Variants in GPR39 observed in about 807,000 individuals in gnomAD.
GPR39 encodes zinc sensing receptor.
In GPR39, 23 loss-of-function variants were observed where a neutral mutation model predicts 18.4. The ratio of observed to expected loss-of-function variants is 1.25; its 90% CI spans 0.90 to 1.77. The LOEUF (loss-of-function observed/expected upper bound fraction) is 1.77, where lower values mean the gene tolerates loss of function less well. Ranked by LOEUF, GPR39 falls within the 40% of genes most tolerant of loss-of-function variation. The pLI, the probability that GPR39 is intolerant of heterozygous loss-of-function variation, is 0.00. For synonymous variants in GPR39, 280 were observed against 257.9 expected, an observed-to-expected ratio of 1.09 and a Z score of -0.82; for missense variants, 647 against 602.4, an observed-to-expected ratio of 1.07 and a Z score of -0.78.
intron 1 of GPR39, among the ~76,000 whole-genome samples, chr2:132,489,339 G>T (rs1573626989): frequency 6.6e-6 from 1 of 152,104 alleles, no homozygotes; most frequent in East Asian, 1.9e-4. Context: ...CAGCACCGAG[G>T]GCAGGGACGA....
At position 132,595,046 on chromosome 2, in the gene GPR39, T is replaced by C. The variant is rs192108778; in HGVS notation, c.857-50055T>C. Among the ~76,000 whole-genome samples the C allele has an allele frequency of 2.6e-4, 40 of 152,344 alleles. 1 individual carries two copies. Among genetic ancestry groups the C allele is most frequent in the African/African-American group, 9.1e-4 (38 of 41,574 alleles). On this transcript the variant is annotated intron_variant, in intron 1 of 1. Transcript: ENST00000329321. ...AGAGTTTCACTCTTATTGCTCAGGC[T>C]GGAGTGCAATGGTGCAATTTTGGCT...
chr2:132,545,960 C>G (rs1183095347), intron 1 of GPR39, among the ~76,000 whole-genome samples: 2 of 152,110 alleles, frequency 1.3e-5, no homozygotes, highest in East Asian at 3.9e-4. Context: ...GGCTAGCAGA[C>G]GAAGCGAAGT....
At chr2:132,621,876 C>T (rs1366142986) in intron 1 of GPR39, among the ~76,000 whole-genome samples, 1 of 152,200 alleles carries the variant, frequency 6.6e-6, no homozygotes, top group Non-Finnish European at 1.5e-5. Flanking sequence ...AGTAAGAAGG[C>T]ATCTTCTCTA....
intron 1 of GPR39, among the ~76,000 whole-genome samples, chr2:132,471,839 C>G (rs983207811): frequency 6.6e-6 from 1 of 152,118 alleles, no homozygotes; most frequent in Non-Finnish European, 1.5e-5. Context: ...GGTTAACTTT[C>G]AGTAGATCAG....
At chr2:132,499,774 A>T (rs1678974423) in intron 1 of GPR39, among the ~76,000 whole-genome samples, 1 of 151,894 alleles carries the variant, frequency 6.6e-6, no homozygotes, top group Admixed American at 6.6e-5. Flanking sequence ...CTTGTAGAAG[A>T]CTTTGATGTT....
At chr2:132,613,868 CCAGTGTTTAACA>C (rs1558859127) in intron 1 of GPR39, among the ~76,000 whole-genome samples, 1 of 152,110 alleles carries the variant, frequency 6.6e-6, no homozygotes, top group Non-Finnish European at 1.5e-5. Flanking sequence ...GATTGTATCC[CCAGTGTTTAACA>C]CAGTGTCTAC....
At chr2:132,618,741 ATCC>A (rs1573701391) in intron 1 of GPR39, among the ~76,000 whole-genome samples, 3 of 152,190 alleles carry the variant, frequency 2.0e-5, no homozygotes, top group East Asian at 3.9e-4. Context: ...ATTCCACCCA[ATCC>A]TCCTCTATCT....
chr2:132,641,756 A>G (rs775118440), intron 1 of GPR39, among the ~76,000 whole-genome samples: 3 of 152,212 alleles, frequency 2.0e-5, no homozygotes, highest in Non-Finnish European at 4.4e-5. Context: ...ATTTAAAACT[A>G]CATATATGGC....
At chr2:132,453,492 C>T (rs2104772300) in intron 1 of GPR39, among the ~76,000 whole-genome samples, 1 of 152,148 alleles carries the variant, frequency 6.6e-6, no homozygotes, top group South Asian at 2.1e-4. Context: ...TAATTAGATC[C>T]CATTTATCTA....
At chr2:132,541,982 A>G (rs1347411300) in intron 1 of GPR39, among the ~76,000 whole-genome samples, 1 of 152,178 alleles carries the variant, frequency 6.6e-6, no homozygotes, top group Non-Finnish European at 1.5e-5. Flanking sequence ...ATGTCCTCAC[A>G]TGGTGGTGGA....
chr2:132,458,544 AT>A (rs533087474), intron 1 of GPR39, among the ~76,000 whole-genome samples: 187 of 147,886 alleles, frequency 1.3e-3, no homozygotes, highest in South Asian at 2.6e-3. Flanking sequence ...ATTTAGTCAC[AT>A]TTTTTGTATC....
At chr2:132,615,663 A>T (rs1681321095) in intron 1 of GPR39, among the ~76,000 whole-genome samples, 1 of 152,174 alleles carries the variant, frequency 6.6e-6, no homozygotes, top group Non-Finnish European at 1.5e-5. Flanking sequence ...TTAAATAAAT[A>T]CACTTCTCTA....
chr2:132,612,881 A>G (rs1397095582), intron 1 of GPR39, among the ~76,000 whole-genome samples: 1 of 152,234 alleles, frequency 6.6e-6, no homozygotes, highest in Non-Finnish European at 1.5e-5. Context: ...TTGATCTAAA[A>G]TCTATCTAGG....
intron 1 of GPR39, among the ~76,000 whole-genome samples, chr2:132,557,499 G>A (rs565810563): frequency 1.3e-5 from 2 of 152,112 alleles, no homozygotes; most frequent in East Asian, 3.9e-4. Context: ...CCAGAGAGTG[G>A]GTCATTTGGG....
chr2:132,492,792 C>CATT (rs1681515830), intron 1 of GPR39, among the ~76,000 whole-genome samples: 1 of 1,936 alleles, frequency 5.2e-4, no homozygotes, highest in Non-Finnish European at 6.8e-3. Flanking sequence ...CATATATATA[C>CATT]CATATATACC....
In GPR39 at chr2:132,467,141, G is replaced by A. The variant is rs536311584; in HGVS notation, c.856+49243G>A. On this transcript the variant is annotated intron_variant, in intron 1 of 1. Transcript: ENST00000329321. ...TGGAGTCAAAGAGAACCATTACAATGTCTTAGTCTTATGGGAGGGCCAAGA... is the reference window on the plus strand; with the variant it reads ...TGGAGTCAAAGAGAACCATTACAATATCTTAGTCTTATGGGAGGGCCAAGA... Among the ~76,000 whole-genome samples, 33 of 152,238 alleles carry A rather than the reference G, an allele frequency of 2.2e-4. No individual in the cohort carries two copies. In the South Asian group the frequency reaches 6.0e-3, roughly 28 times the overall value.
At chr2:132,603,007 C>T (rs12472095) in intron 1 of GPR39, among the ~76,000 whole-genome samples, 36,391 of 151,742 alleles carry the variant, frequency 0.24, 5,089 homozygotes, top group East Asian at 0.53. Flanking sequence ...ATAGAACTAC[C>T]GTATGACCCA....
chr2:132,643,057 G>T (rs889768271), intron 1 of GPR39, among the ~76,000 whole-genome samples: 1 of 152,122 alleles, frequency 6.6e-6, no homozygotes, highest in African/African-American at 2.4e-5. Context: ...TGTACTCCTC[G>T]AAGTGGGAGA....
At chr2:132,538,764 C>T (rs3109127) in intron 1 of GPR39, among the ~76,000 whole-genome samples, 1,910 of 152,292 alleles carry the variant, frequency 0.013, 48 homozygotes, top group African/African-American at 0.044. Context: ...TGCCCTGCCC[C>T]GTGAGGAAGA....
Sources: allele counts gnomAD v4.1 joint callset (sites outside exome capture counted in the v4.1 genomes callset), GRCh38; gene constraint gnomAD v4.1.1; transcripts MANE v1.5; gene names NCBI Gene and HGNC (gene_info 2026-07-23, HGNC 2026-07-21).